AFDN: variants seen among roughly 807,000 people sequenced by gnomAD.
The protein encoded by AFDN is afadin.
A neutral mutation model predicts 216.6 loss-of-function variants in AFDN; 68 were observed. That is an observed-to-expected ratio of 0.31 (90% CI 0.26 to 0.38). The LOEUF is 0.38. Among genes scored for constraint, AFDN ranks in the 10% least tolerant of loss-of-function variants. The pLI, the probability that AFDN is intolerant of heterozygous loss-of-function variation, is 1.00. For missense variants in AFDN, 2,136 were observed against 2,342.0 expected, an observed-to-expected ratio of 0.91 and a Z score of 1.82; for synonymous variants, 868 against 853.7, an observed-to-expected ratio of 1.02 and a Z score of -0.29.
chr6:167,915,187 C>T lies in AFDN; in HGVS notation c.2319C>T (p.Leu773=), dbSNP rs751696309. The T allele has an allele frequency of 8.1e-6, 13 of 1,614,186 alleles. No homozygotes were observed. The South Asian group carries it at 1.1e-4, about 14-fold the overall frequency. The change falls in exon 19 of 34, where the codon CTC becomes CTT. Residue 773 remains leucine (L), a synonymous_variant. Transcript: ENST00000683244. ...GGGCAGATGATGTGCTGCACACGCTCACAGGAGCCATGTCCTTGCTACGAC... is the reference window on the plus strand; with the variant it reads ...GGGCAGATGATGTGCTGCACACGCTTACAGGAGCCATGTCCTTGCTACGAC... ...RPKIDDVLHT[L]TGAMSLLRRC...
intron 6 of AFDN, among the ~76,000 whole-genome samples, chr6:167,884,937 G>T (rs530277611): frequency 6.6e-6 from 1 of 152,300 alleles, no homozygotes; most frequent in South Asian, 2.1e-4. Context: ...CTGTTATTTA[G>T]TGTAGTGACC....
Position 167,962,791 on chromosome 6 carries a change from T to C in AFDN, c.4968+224T>C. The stretch of plus-strand genomic sequence containing the variant: ...ATCCCCTTATCTGCCAAGTTTTGTC[T>C]CCTTCAAACTTCTGAACTCTTGGGC... On this transcript the variant is annotated intron_variant, in intron 31 of 33. Transcript: ENST00000683244. This position sits in a 1 kb window ranked among gnomAD's most constrained non-coding sequence, Gnocchi z 5.2. The C allele has an allele frequency of 7.2e-7, 1 of 1,380,184 alleles. No individual in the cohort carries two copies. The highest frequency in any genetic ancestry group is 9.4e-7 in the Non-Finnish European group (1 of 1,067,070). The allele number at this position is 1,380,184 out of a possible 1,614,324, so 85.5% of individuals were successfully genotyped here. A position where few individuals can be genotyped will look rare whatever the true frequency, so the allele number is the denominator to read the frequency against.
At chr6:167,892,516 A>T (rs1001540432) in intron 8 of AFDN, among the ~76,000 whole-genome samples, 1 of 152,212 alleles carries the variant, frequency 6.6e-6, no homozygotes, top group African/African-American at 2.4e-5. Flanking sequence ...TGAGGATCTA[A>T]GAGTGTTGAG....
At chr6:167,842,905 T>C (rs895230011) in intron 1 of AFDN, among the ~76,000 whole-genome samples, 3 of 152,196 alleles carry the variant, frequency 2.0e-5, no homozygotes, top group Non-Finnish European at 4.4e-5. Flanking sequence ...ACACATGAGC[T>C]TTTAGTCATT....
At chr6:167,885,115 G>C (rs1168379259) in intron 6 of AFDN, among the ~76,000 whole-genome samples, 2 of 152,176 alleles carry the variant, frequency 1.3e-5, no homozygotes, top group African/African-American at 2.4e-5. Flanking sequence ...AGCCTTCATA[G>C]AATTGAAGAG....
chr6:167,962,844 G>A lies in AFDN; in HGVS notation c.4968+277G>A. The A allele has an allele frequency of 7.9e-7, 1 of 1,263,386 alleles. No individual in the cohort carries two copies. Among genetic ancestry groups the A allele is most frequent in the Non-Finnish European group, 1.0e-6 (1 of 998,226 alleles). The allele number at this position is 1,263,386 out of a possible 1,614,324, so 78.3% of individuals were successfully genotyped here. On this transcript the variant is annotated intron_variant, in intron 31 of 33. Coordinates refer to ENST00000683244, the MANE Select transcript of AFDN (RefSeq NM_001386888.1). The surrounding 1 kb of genome is among the most constrained non-coding windows in gnomAD (Gnocchi z 5.2). ...GTGTAGCAGTGAGCCTCTTTGCAAAGGGTTCGTTTCCTCGGGCACTCATCT... is the reference window on the plus strand; with the variant it reads ...GTGTAGCAGTGAGCCTCTTTGCAAAAGGTTCGTTTCCTCGGGCACTCATCT...
At chr6:167,914,804 T>G in intron 18 of AFDN, 66 bp downstream of exon 18, 3 of 1,138,952 alleles carry the variant, frequency 2.6e-6, no homozygotes, top group Non-Finnish European at 3.9e-6. Flanking sequence ...ATTTTAATGC[T>G]TAGCGTAGGT....
At chr6:167,855,549 T>C (rs1047641121) in intron 1 of AFDN, among the ~76,000 whole-genome samples, 2 of 152,092 alleles carry the variant, frequency 1.3e-5, no homozygotes, top group Non-Finnish European at 2.9e-5. Flanking sequence ...ACCTTTCTTA[T>C]TTAATTTAAA....
chr6:167,920,401 C>G (rs373835725), intron 21 of AFDN, among the ~76,000 whole-genome samples: 1 of 152,192 alleles, frequency 6.6e-6, no homozygotes, highest in East Asian at 1.9e-4. Flanking sequence ...GCGGCAGGCA[C>G]TCGGCCACCA....
intron 20 of AFDN, among the ~76,000 whole-genome samples, chr6:167,917,786 A>T (rs1454189554): frequency 1.3e-5 from 2 of 152,364 alleles, no homozygotes; most frequent in East Asian, 3.9e-4. Context: ...CTAACAAGAC[A>T]TGCACAAAAC....
chr6:167,879,279 GAGCTA>G, intron 5 of AFDN, among the ~76,000 whole-genome samples: 1 of 152,302 alleles, frequency 6.6e-6, no homozygotes. Context: ...ATTTTATTGT[GAGCTA>G]AGCTATCAAA....
At chr6:167,913,352 A>G in intron 15 of AFDN, 51 bp from the exon 16 acceptor site, 1 of 1,521,524 alleles carries the variant, frequency 6.6e-7, no homozygotes, top group Non-Finnish European at 8.8e-7. Context: ...GATTGTTTAC[A>G]AGTTTCTTTC....
chr6:167,852,101 A>G (rs1350079122), intron 1 of AFDN, among the ~76,000 whole-genome samples: 3 of 152,142 alleles, frequency 2.0e-5, no homozygotes, highest in African/African-American at 7.2e-5. Context: ...TCCCTACTTC[A>G]GTGTGCATCT....
intron 6 of AFDN, 28 bp from the exon 7 acceptor site, chr6:167,889,183 ACATT>A (rs1562614930): frequency 1.3e-5 from 19 of 1,446,906 alleles, no homozygotes; most frequent in Non-Finnish European, 1.8e-5. Flanking sequence ...TTACTTTGGC[ACATT>A]CATAGTTAAT....
Position 167,902,338 on chromosome 6 carries a change from T to C in AFDN, c.1602T>C (p.Phe534=). Residue 534 remains phenylalanine, a synonymous_variant, in exon 12 of 34, where the codon TTT becomes TTC. Transcript: ENST00000683244. ...TCAGAATTGTTCAGGAGACAACTTTTGATTTGGGAGGAGATATTCATAGTG... is the reference window on the plus strand; with the variant it reads ...TCAGAATTGTTCAGGAGACAACTTTCGATTTGGGAGGAGATATTCATAGTG... ...HKPGIVQETT[F]DLGGDIHSGT... 2 of 1,612,952 alleles carry C rather than the reference T, an allele frequency of 1.2e-6. No homozygotes were observed. Among genetic ancestry groups the C allele is most frequent in the Non-Finnish European group, 1.7e-6 (2 of 1,179,148 alleles).
At position 167,880,513 on chromosome 6, in the gene AFDN, C is replaced by T. The variant is rs1785978594; in HGVS notation, c.893C>T (p.Ala298Val). The change falls in exon 6 of 34, where the codon GCC becomes GTC. Residue 298 changes from alanine (A) to valine (V), a missense_variant. By Grantham distance (64) the Ala-to-Val change is moderately conservative. Transcript: ENST00000683244. ...EKENPKDYCI[A>V]RVMLPPGAQH... ...GAAAACCCTAAGGATTACTGCATCGCCCGGGTAAGGAACTTTATCAAATCA... is the reference window on the plus strand; with the variant it reads ...GAAAACCCTAAGGATTACTGCATCGTCCGGGTAAGGAACTTTATCAAATCA... The T allele has an allele frequency of 2.5e-6, 4 of 1,613,188 alleles. No individual in the cohort carries two copies. Among genetic ancestry groups the T allele is most frequent in the East Asian group, 2.2e-5 (1 of 44,822 alleles).
intron 20 of AFDN, among the ~76,000 whole-genome samples, chr6:167,917,914 T>A (rs1421594326): frequency 2.6e-5 from 4 of 152,200 alleles, no homozygotes; most frequent in Admixed American, 2.0e-4. Flanking sequence ...GGGATGAACA[T>A]TATGACATAA....
At chr6:167,857,696 C>T (rs1301492503) in intron 1 of AFDN, among the ~76,000 whole-genome samples, 3 of 151,948 alleles carry the variant, frequency 2.0e-5, no homozygotes, top group Admixed American at 6.6e-5. Flanking sequence ...CTTCAAAATC[C>T]GAGCTGTATG....
At chr6:167,873,965 A>G (rs981180269) in intron 4 of AFDN, among the ~76,000 whole-genome samples, 10 of 152,254 alleles carry the variant, frequency 6.6e-5, no homozygotes, top group African/African-American at 2.4e-4. Flanking sequence ...AATCTACTAG[A>G]CAGTGATGCC....
Sources: gnomAD v4.1 joint callset for allele counts (sites outside exome capture counted in the v4.1 genomes callset) on GRCh38, gnomAD v4.1.1 for gene constraint, Gnocchi (gnomAD v3.1) non-coding constraint, MANE v1.5 for transcripts, NCBI Gene and HGNC (gene_info 2026-07-23, HGNC 2026-07-21) for gene names.